The following GRID2 variants were observed in gnomAD, a reference collection of about 807,000 sequenced individuals.
GRID2 encodes glutamate receptor ionotropic, delta-2.
In GRID2, 33 loss-of-function variants were observed where a neutral mutation model predicts 114.8. The ratio of observed to expected loss-of-function variants is 0.29; its 90% confidence interval spans 0.22 to 0.38. GRID2 has a LOEUF of 0.38. Among genes scored for constraint, GRID2 ranks in the 10% least tolerant of loss-of-function variants. The probability of loss-of-function intolerance (pLI) is 1.00; values close to 1 mark genes in which losing one functional copy is unlikely to be tolerated. For synonymous variants in GRID2, 505 were observed against 449.9 expected, an observed-to-expected ratio of 1.12 and a Z score of -1.55; for missense variants, 1,184 against 1,257.7, an observed-to-expected ratio of 0.94 and a Z score of 0.89.
At chr4:92,970,948 G>A (rs1016476641) in intron 2 of GRID2, among the ~76,000 whole-genome samples, 6 of 151,468 alleles carry the variant, frequency 4.0e-5, no homozygotes, top group African/African-American at 1.2e-4. Flanking sequence ...CACACACATT[G>A]CATATATATG....
chr4:93,782,040 G>A (rs970756108), intron 1 of GRID2, among the ~76,000 whole-genome samples: 1 of 152,074 alleles, frequency 6.6e-6, no homozygotes, highest in Non-Finnish European at 1.5e-5. Flanking sequence ...GTTCTCCGCT[G>A]GTTCTTCAAA....
At chr4:92,421,301 G>A (rs1231683270) in intron 1 of GRID2, among the ~76,000 whole-genome samples, 1 of 151,964 alleles carries the variant, frequency 6.6e-6, no homozygotes, top group African/African-American at 2.4e-5. Context: ...TCTGGTACTT[G>A]AATTCAGTAC....
chr4:92,744,823 CTT>C (rs1406401744), intron 2 of GRID2, among the ~76,000 whole-genome samples: 2 of 152,096 alleles, frequency 1.3e-5, no homozygotes, highest in African/African-American at 2.4e-5. Context: ...TTATTTATCT[CTT>C]ATGTAATTAT....
chr4:93,257,435 A>G (rs1175139601), intron 8 of GRID2, among the ~76,000 whole-genome samples: 1 of 151,766 alleles, frequency 6.6e-6, no homozygotes, highest in East Asian at 1.9e-4. Context: ...TAGTCTACAG[A>G]TAGTGATTTT....
intron 14 of GRID2, among the ~76,000 whole-genome samples, chr4:93,739,309 G>A (rs189742473): frequency 6.6e-5 from 10 of 152,088 alleles, no homozygotes; most frequent in African/African-American, 1.9e-4. Flanking sequence ...TTTGGGTCCC[G>A]CCACAAACTA....
chr4:92,734,853 A>G (rs920619139), intron 2 of GRID2, among the ~76,000 whole-genome samples: 39 of 147,730 alleles, frequency 2.6e-4, no homozygotes, highest in Middle Eastern at 3.7e-3. Context: ...ATCATGGCTC[A>G]GTGCAGCCTT....
chr4:92,548,367 C>G (rs1163108979), intron 1 of GRID2, among the ~76,000 whole-genome samples: 1 of 140,326 alleles, frequency 7.1e-6, no homozygotes, highest in Non-Finnish European at 1.5e-5. Flanking sequence ...AGTCCATTCT[C>G]AAACTGCTAT....
At position 93,081,283 on chromosome 4, in the gene GRID2, T is replaced by C. The variant is rs11934319; in HGVS notation, c.245-3712T>C. Among the ~76,000 whole-genome samples, 1,493 of 152,320 alleles carry C rather than the reference T, an allele frequency of 9.8e-3. 31 individuals are homozygous for C. The highest frequency in any genetic ancestry group is 0.034 in the African/African-American group (1,405 of 41,572). ...TGCTACCAAAAAATATTTCACTGAGTTCTCATTTTCAGTAAGAGGTAATAA... is the reference window on the plus strand; with the variant it reads ...TGCTACCAAAAAATATTTCACTGAGCTCTCATTTTCAGTAAGAGGTAATAA... On this transcript the variant is annotated intron_variant, in intron 2 of 15. Coordinates refer to ENST00000282020, the MANE Select transcript of GRID2 (RefSeq NM_001510.4).
At chr4:93,238,091 C>T (rs1747015758) in intron 7 of GRID2, among the ~76,000 whole-genome samples, 1 of 151,756 alleles carries the variant, frequency 6.6e-6, no homozygotes, top group Non-Finnish European at 1.5e-5. Flanking sequence ...TTAGTCTGAG[C>T]TCTAACATGG....
chr4:93,700,721 G>A (rs191458932), intron 14 of GRID2, among the ~76,000 whole-genome samples: 91 of 152,238 alleles, frequency 6.0e-4, no homozygotes, highest in Middle Eastern at 3.4e-3. Context: ...AGCAAATGAG[G>A]CATTAAGGCT....
At chr4:92,460,025 A>G (rs1249262836) in intron 1 of GRID2, among the ~76,000 whole-genome samples, 2 of 15,194 alleles carry the variant, frequency 1.3e-4, no homozygotes, top group Non-Finnish European at 2.3e-4. Flanking sequence ...CCTTAAAATA[A>G]ATCTCACTAT....
intron 8 of GRID2, among the ~76,000 whole-genome samples, chr4:93,347,856 C>T (rs1342536459): frequency 1.3e-5 from 2 of 151,960 alleles, no homozygotes; most frequent in Admixed American, 6.6e-5. Context: ...TACTGCATCT[C>T]TGTTGAAAAA....
At chr4:93,386,384 T>C (rs1764315022) in intron 8 of GRID2, among the ~76,000 whole-genome samples, 1 of 152,176 alleles carries the variant, frequency 6.6e-6, no homozygotes, top group Non-Finnish European at 1.5e-5. Context: ...ATCTAATGAC[T>C]GGCACAATAC....
In GRID2 at chr4:93,053,827, G is replaced by A. The variant is rs72885765; in HGVS notation, c.245-31168G>A. On this transcript the variant is annotated intron_variant, in intron 2 of 15. Coordinates refer to ENST00000282020, the MANE Select transcript of GRID2 (RefSeq NM_001510.4). ...CTGGGAAAGGAGCAAAGTCATGGAT[G>A]CTTACACAACAAACACATGGATGCT... 2.7e-3 allele frequency among the ~76,000 whole-genome samples: 411 copies of A among 151,988 alleles called. 3 individuals are homozygous for A. The highest frequency in any genetic ancestry group is 9.2e-3 in the African/African-American group (382 of 41,514).
At chr4:93,162,028 G>A (rs1222837079) in intron 4 of GRID2, among the ~76,000 whole-genome samples, 2 of 151,756 alleles carry the variant, frequency 1.3e-5, no homozygotes, top group South Asian at 2.1e-4. Flanking sequence ...TTCCAGAAAA[G>A]CCTTGAAATC....
chr4:93,448,373 A>G (rs1044099597), intron 10 of GRID2, among the ~76,000 whole-genome samples: 2 of 152,044 alleles, frequency 1.3e-5, no homozygotes, highest in Non-Finnish European at 1.5e-5. Flanking sequence ...AGAAAAACAC[A>G]GTAAATATAA....
intron 1 of GRID2, among the ~76,000 whole-genome samples, chr4:92,540,853 T>C (rs1398065318): frequency 2.0e-5 from 3 of 152,168 alleles, no homozygotes; most frequent in African/African-American, 7.2e-5. Context: ...CATATGTTTA[T>C]TGCGGCACTA....
intron 12 of GRID2, among the ~76,000 whole-genome samples, chr4:93,492,216 C>T (rs1727077063): frequency 6.6e-6 from 1 of 151,788 alleles, no homozygotes; most frequent in Non-Finnish European, 1.5e-5. Flanking sequence ...TAATAATAAA[C>T]ATTTATTGAT....
intron 14 of GRID2, among the ~76,000 whole-genome samples, chr4:93,699,266 A>G (rs1727302610): frequency 6.6e-6 from 1 of 152,120 alleles, no homozygotes; most frequent in South Asian, 2.1e-4. Flanking sequence ...TGAAGTAAAG[A>G]CAATTGAACA....
Sources: gnomAD v4.1 joint callset for allele counts (sites outside exome capture counted in the v4.1 genomes callset) on GRCh38, gnomAD v4.1.1 for gene constraint, MANE v1.5 for transcripts, NCBI Gene and HGNC (gene_info 2026-07-23, HGNC 2026-07-21) for gene names.